Variants in STRA6 observed in about 807,000 individuals in gnomAD.
STRA6 encodes receptor for retinol uptake STRA6.
A neutral mutation model predicts 83.6 loss-of-function variants in STRA6; 48 were observed. The observed-to-expected ratio is 0.57, with a 90% CI of 0.46 to 0.73. STRA6 has a LOEUF of 0.73. Ranked by LOEUF, STRA6 falls within the 30% of genes least tolerant of loss-of-function variation. The probability of loss-of-function intolerance (pLI) is 0.00; values close to 1 mark genes in which losing one functional copy is unlikely to be tolerated. For missense variants in STRA6, 760 were observed against 838.8 expected (o/e 0.91, Z 1.16); for synonymous variants, 353 against 362.3 (o/e 0.97, Z 0.29).
chr15:74,196,957 C>T (rs986185483), intron 4 of STRA6, among the ~76,000 whole-genome samples: 4 of 152,180 alleles, frequency 2.6e-5, no homozygotes, highest in African/African-American at 9.7e-5. Flanking sequence ...CATAAATCTG[C>T]CTTCAAGCAT....
At chr15:74,191,566 A>G (rs2073541172) in intron 8 of STRA6, 75 bp from the exon 9 acceptor site, 5 of 1,317,044 alleles carry the variant, frequency 3.8e-6, no homozygotes, top group East Asian at 2.3e-5. Context: ...TCAGGGAACT[A>G]GAGTGTTCAC....
intron 2 of STRA6, among the ~76,000 whole-genome samples, chr15:74,199,954 C>G (rs996592212): frequency 6.6e-6 from 1 of 152,184 alleles, no homozygotes; most frequent in Non-Finnish European, 1.5e-5. Flanking sequence ...CAGTGGCTCA[C>G]GCCTATAATC....
chr15:74,201,271 T>C (rs1279695611), intron 2 of STRA6, among the ~76,000 whole-genome samples: 1 of 152,188 alleles, frequency 6.6e-6, no homozygotes, highest in Non-Finnish European at 1.5e-5. Flanking sequence ...CAGGTTTTGA[T>C]GGAGAACAGA....
chr15:74,182,142 A>T lies in STRA6; in HGVS notation c.1520+19T>A. ...GAGGCGAGGGCCTGAGGGAGCCACA[A>T]GCCCAGATGCCACCTCACCGGTTGG... is the stretch of plus-strand genomic sequence containing the variant. On this transcript the variant is annotated intron_variant, in intron 16 of 18. Transcript: ENST00000395105. The T allele has an allele frequency of 6.2e-7, 1 of 1,608,642 alleles. No individual in the cohort carries two copies. Among genetic ancestry groups the T allele is most frequent in the Non-Finnish European group, 8.5e-7 (1 of 1,174,992 alleles).
At chr15:74,211,899 TTCTC>T (rs2074372301), upstream of STRA6, among the ~76,000 whole-genome samples, 2 of 152,174 alleles carry the variant, frequency 1.3e-5, no homozygotes, top group East Asian at 1.9e-4. Context: ...ACTCTGTGTT[TTCTC>T]TCTATCACTC....
intron 1 of STRA6, 62 bp downstream of exon 1, chr15:74,202,651 C>G (rs2074133780): frequency 2.1e-6 from 3 of 1,403,162 alleles, no homozygotes; most frequent in Admixed American, 6.1e-5. Flanking sequence ...GTCTGAGCTG[C>G]CTAAAGAGAC....
intron 14 of STRA6, 169 bp from the exon 15 acceptor site, chr15:74,182,629 G>C: frequency 1.6e-6 from 1 of 617,046 alleles, no homozygotes; most frequent in Non-Finnish European, 2.9e-6. Flanking sequence ...ACTTCATTGA[G>C]CCTCAGTTTC....
Position 74,202,321 on chromosome 15 carries a change from A to C in STRA6, c.-15-39T>G, listed in dbSNP as rs561685589. The stretch of plus-strand genomic sequence containing the variant: ...CGAGAGAAAAAAAAAGCCACTACAG[A>C]TGTGAAAAGAGGCTTAAAAGAGAAA... On this transcript the variant is annotated intron_variant, in intron 1 of 18. Coordinates refer to ENST00000395105, the MANE Select transcript of STRA6 (RefSeq NM_022369.4). 2.1e-5 allele frequency: 33 copies of C among 1,583,444 alleles called. 1 individual carries two copies. In the South Asian group the frequency reaches 3.9e-4, roughly 19 times the overall value.
intron 18 of STRA6, 129 bp from the exon 19 acceptor site, chr15:74,180,372 C>A: frequency 2.5e-6 from 3 of 1,180,260 alleles, no homozygotes; most frequent in South Asian, 1.3e-5. Flanking sequence ...ATGTCCCCTG[C>A]AGGCAGCACA....
At position 74,195,227 on chromosome 15, in the gene STRA6, T is replaced by C. The variant is rs1190465744; in HGVS notation, c.597+75A>G. 3 of 1,575,124 alleles carry C rather than the reference T, an allele frequency of 1.9e-6. No homozygotes were observed. In the African/African-American group the frequency reaches 4.0e-5, roughly 21 times the overall value. ...GGGCGGCCCATCATAGAATCAGAGCTCAAAGGAGGCACTGTGGTTTGAGTA... is the reference window on the plus strand; with the variant it reads ...GGGCGGCCCATCATAGAATCAGAGCCCAAAGGAGGCACTGTGGTTTGAGTA... On this transcript the variant is annotated intron_variant, in intron 7 of 18. Coordinates refer to ENST00000395105, the MANE Select transcript of STRA6 (RefSeq NM_022369.4).
intron 1 of STRA6, 148 bp downstream of exon 1, chr15:74,202,548 CCTTGGGGCCCCGGGGCT>C: frequency 4.1e-6 from 6 of 1,479,676 alleles, no homozygotes; most frequent in Non-Finnish European, 5.3e-6. Context: ...ATAGCTGTCC[CCTTGGGGCCCCGGGGCT>C]CCCGCTGGCG....
chr15:74,211,359 A>C (rs1435133115), upstream of STRA6, among the ~76,000 whole-genome samples: 1 of 146,964 alleles, frequency 6.8e-6, no homozygotes, highest in Non-Finnish European at 1.5e-5. Context: ...ACCCCTGCCT[A>C]CTGCTGGGTC....
chr15:74,202,485 G>GGGCC, intron 1 of STRA6: 1 of 1,534,530 alleles, frequency 6.5e-7, no homozygotes, highest in Non-Finnish European at 8.7e-7. Context: ...GAAGAGGACA[G>GGGCC]GGCCTCTCGT....
chr15:74,207,184 A>C (rs958466553), upstream of STRA6, among the ~76,000 whole-genome samples: 6 of 152,200 alleles, frequency 3.9e-5, no homozygotes, highest in Non-Finnish European at 7.3e-5. Flanking sequence ...GTGATTATCA[A>C]ATCCTCAAAG....
At chr15:74,208,812 G>C (rs891896974) in exon 1 of STRA6, 203 of 988,636 alleles carry the variant, frequency 2.1e-4, no homozygotes, top group Non-Finnish European at 2.4e-4. Context: ...CCAATCAAGC[G>C]CTCTCCTGAC....
intron 14 of STRA6, 81 bp from the exon 15 acceptor site, chr15:74,182,541 G>A (rs1337949508): frequency 1.6e-6 from 2 of 1,220,026 alleles, no homozygotes; most frequent in Non-Finnish European, 2.4e-6. Flanking sequence ...AGAACCAAGG[G>A]CTTTGGGATT....
intron 4 of STRA6, among the ~76,000 whole-genome samples, chr15:74,196,696 A>G (rs759780683): frequency 1.3e-5 from 2 of 152,176 alleles, no homozygotes; most frequent in Admixed American, 1.3e-4. Flanking sequence ...TCTGGGGCCA[A>G]CCAGAGACCC....
chr15:74,209,051 C>A, upstream of STRA6: 1 of 1,189,610 alleles, frequency 8.4e-7, no homozygotes, highest in Non-Finnish European at 1.0e-6. Flanking sequence ...GAAGGCAGCT[C>A]CCCCCTTCTC....
rs373042818 is a variant in STRA6 at position 74,202,778 on chromosome 15, C to A, written c.-81G>T. The A allele has an allele frequency of 7.8e-6, 9 of 1,159,336 alleles. No individual in the cohort carries two copies. The African/African-American group carries it at 1.1e-4, about 14-fold the overall frequency. 71.8% of individuals were successfully genotyped at this position (1,159,336 alleles called of 1,614,324 possible). On this transcript the variant is annotated 5_prime_UTR_variant, in exon 1 of 19. Coordinates refer to ENST00000395105, the MANE Select transcript of STRA6 (RefSeq NM_022369.4). Reference sequence around the variant, plus strand: ...AGGGTAGGCAGCCCACGGCCAGCTCCGCACTGCCTGCCTGGGCCCTCCCAG... The same window carrying A: ...AGGGTAGGCAGCCCACGGCCAGCTCAGCACTGCCTGCCTGGGCCCTCCCAG...
Sources: allele counts gnomAD v4.1 joint callset (sites outside exome capture counted in the v4.1 genomes callset), GRCh38; gene constraint gnomAD v4.1.1; transcripts MANE v1.5; gene names NCBI Gene and HGNC (gene_info 2026-07-23, HGNC 2026-07-21).